IL1RAPL1: variants seen among roughly 807,000 people sequenced by gnomAD.
The protein encoded by IL1RAPL1 is interleukin-1 receptor accessory protein-like 1.
IL1RAPL1 carries 3 observed loss-of-function variants against 48.4 expected under a neutral mutation model. The observed-to-expected ratio is 0.06, with a 90% CI of 0.03 to 0.16. The LOEUF is 0.16. Ranked by LOEUF, IL1RAPL1 falls within the 10% of genes least tolerant of loss-of-function variation. The probability of loss-of-function intolerance (pLI) is 1.00; values close to 1 mark genes in which losing one functional copy is unlikely to be tolerated. For missense variants in IL1RAPL1, 349 were observed against 530.6 expected, an observed-to-expected ratio of 0.66 and a Z score of 3.36; for synonymous variants, 185 against 187.7, an observed-to-expected ratio of 0.99 and a Z score of 0.12.
In IL1RAPL1 at chrX:29,078,068, G is replaced by C. The variant is rs933035452; in HGVS notation, c.83-204870G>C. ...CGAGGCAGGCGGATCACCTGAGGTC[G>C]GGACCAGCCTAGCTAACATGGTGAA... On this transcript the variant is annotated intron_variant, in intron 2 of 10. Transcript: ENST00000378993. Among the ~76,000 whole-genome samples the C allele has an allele frequency of 5.4e-5, 6 of 111,914 alleles. No homozygotes were observed. In the South Asian group the frequency reaches 1.1e-3, roughly 21 times the overall value.
At chrX:28,829,648 C>T (rs1238713084) in intron 2 of IL1RAPL1, among the ~76,000 whole-genome samples, 2 of 107,142 alleles carry the variant, frequency 1.9e-5, no homozygotes, top group African/African-American at 6.9e-5. Flanking sequence ...CAACCTCTGC[C>T]TCCCAGGTTC....
Position 28,835,959 on chromosome X carries a change from T to G in IL1RAPL1, c.82+46534T>G, listed in dbSNP as rs191025522. The stretch of plus-strand genomic sequence containing the variant: ...CCATAATATTTATTAGAATATTATA[T>G]GTATTGAGATGATATTTCCCTATGT... On this transcript the variant is annotated intron_variant, in intron 2 of 10. Transcript: ENST00000378993. 9.0e-5 allele frequency among the ~76,000 whole-genome samples: 10 copies of G among 111,152 alleles called. No homozygotes were observed. In the East Asian group the frequency reaches 2.5e-3, roughly 28 times the overall value.
At chrX:29,841,178 T>G (rs182988368) in intron 6 of IL1RAPL1, among the ~76,000 whole-genome samples, 1 of 112,065 alleles carries the variant, frequency 8.9e-6, no homozygotes, top group African/African-American at 3.2e-5. Flanking sequence ...GGGTGACAGA[T>G]AACAATGCTT....
At chrX:28,645,203 C>T (rs1934593001) in intron 1 of IL1RAPL1, among the ~76,000 whole-genome samples, 1 of 107,315 alleles carries the variant, frequency 9.3e-6, no homozygotes, top group African/African-American at 3.4e-5. Flanking sequence ...CAAAATTAGT[C>T]GGGTATGGTG....
chrX:29,315,885 G>A (rs1484537057), intron 3 of IL1RAPL1, among the ~76,000 whole-genome samples: 1 of 112,171 alleles, frequency 8.9e-6, no homozygotes, highest in Non-Finnish European at 1.9e-5. Context: ...AAAGACAGAA[G>A]TAGATGTTGG....
chrX:28,770,948 T>C (rs899459765), intron 1 of IL1RAPL1, among the ~76,000 whole-genome samples: 1 of 112,243 alleles, frequency 8.9e-6, no homozygotes, highest in Non-Finnish European at 1.9e-5. Context: ...CCAGTGTTAG[T>C]ATTCCACACA....
In IL1RAPL1 at chrX:29,745,633, G is replaced by A. The variant is rs1428013923; in HGVS notation, c.778+77129G>A. ...GGCTCATTTTTGTATTTTTAGTAGA[G>A]ATGGGGTTTCACCATGTTAGCCAGG... On this transcript the variant is annotated intron_variant, in intron 6 of 10. Coordinates refer to ENST00000378993, the MANE Select transcript of IL1RAPL1 (RefSeq NM_014271.4). Among the ~76,000 whole-genome samples, 6 of 107,742 alleles carry A rather than the reference G, an allele frequency of 5.6e-5. No homozygotes were observed. In the Admixed American group the frequency reaches 6.1e-4, roughly 11 times the overall value. 93.6% of individuals were successfully genotyped at this position (107,742 alleles called of 115,157 possible). A position where few individuals can be genotyped will look rare whatever the true frequency, so the allele number is the denominator to read the frequency against.
intron 3 of IL1RAPL1, among the ~76,000 whole-genome samples, chrX:29,301,618 A>G (rs1932536513): frequency 8.9e-6 from 1 of 111,955 alleles, no homozygotes; most frequent in African/African-American, 3.2e-5. Context: ...TTCCGTTTGT[A>G]CTTTCAACAA....
chrX:29,079,304 G>T (rs761027708), intron 2 of IL1RAPL1, among the ~76,000 whole-genome samples: 1 of 111,573 alleles, frequency 9.0e-6, no homozygotes, highest in East Asian at 2.8e-4. Flanking sequence ...CTAAATGTGG[G>T]ACTGAATTTT....
intron 2 of IL1RAPL1, among the ~76,000 whole-genome samples, chrX:29,114,759 AG>A (rs1285691925): frequency 9.1e-6 from 1 of 110,445 alleles, no homozygotes; most frequent in Admixed American, 9.7e-5. Flanking sequence ...CCGCCCGAGT[AG>A]CTGGGATTAC....
intron 1 of IL1RAPL1, among the ~76,000 whole-genome samples, chrX:28,771,831 T>C (rs1321006692): frequency 9.4e-6 from 1 of 105,950 alleles, no homozygotes; most frequent in Non-Finnish European, 1.9e-5. Context: ...CTCGGGAGGC[T>C]GAGGCAGGAG....
chrX:29,713,199 C>A (rs188549643), intron 6 of IL1RAPL1, among the ~76,000 whole-genome samples: 44 of 111,342 alleles, frequency 4.0e-4, no homozygotes, highest in Middle Eastern at 4.7e-3. Flanking sequence ...AGATTTTAAT[C>A]TATAAAGGAA....
intron 6 of IL1RAPL1, among the ~76,000 whole-genome samples, chrX:29,799,310 T>C (rs1929822995): frequency 1.8e-5 from 2 of 112,314 alleles, no homozygotes; most frequent in African/African-American, 6.5e-5. Context: ...ATTTGATCCA[T>C]AGCTCTTTCT....
At chrX:29,103,138 G>A (rs1250406111) in intron 2 of IL1RAPL1, among the ~76,000 whole-genome samples, 2 of 111,687 alleles carry the variant, frequency 1.8e-5, no homozygotes, top group African/African-American at 6.5e-5. Flanking sequence ...GAATTTATAT[G>A]GAACCAAAAA....
intron 2 of IL1RAPL1, among the ~76,000 whole-genome samples, chrX:29,279,459 C>CA (rs1489763271): frequency 1.8e-5 from 2 of 110,847 alleles, no homozygotes; most frequent in Non-Finnish European, 3.8e-5. Flanking sequence ...AGATTTTATT[C>CA]AAATAATTTG....
At chrX:29,141,388 G>A (rs28704077) in intron 2 of IL1RAPL1, among the ~76,000 whole-genome samples, 31,752 of 110,420 alleles carry the variant, frequency 0.29, 4,373 homozygotes, top group African/African-American at 0.54. Flanking sequence ...GAATCAATTG[G>A]TGAGATGCTA....
chrX:28,853,748 A>G (rs1358875628), intron 2 of IL1RAPL1, among the ~76,000 whole-genome samples: 3 of 111,988 alleles, frequency 2.7e-5, no homozygotes, highest in Non-Finnish European at 5.6e-5. Flanking sequence ...ACAGATATAT[A>G]GATCATTAAG....
At chrX:28,851,505 C>T (rs5985924) in intron 2 of IL1RAPL1, among the ~76,000 whole-genome samples, 43,269 of 109,762 alleles carry the variant, frequency 0.39, 6,331 homozygotes, top group East Asian at 0.54. Flanking sequence ...TTGCTCCATA[C>T]ATCCACAATT....
chrX:29,745,431 GTTTTTTTTTTTTT>G (rs752527354), intron 6 of IL1RAPL1, among the ~76,000 whole-genome samples: 2 of 24,746 alleles, frequency 8.1e-5, no homozygotes, highest in East Asian at 1.5e-3. Flanking sequence ...AGTTTTTTGT[GTTTTTTTTTTTTT>G]TTTTTTTTTT....
Sources: gnomAD v4.1 joint callset for allele counts (sites outside exome capture counted in the v4.1 genomes callset) on GRCh38, gnomAD v4.1.1 for gene constraint, MANE v1.5 for transcripts, NCBI Gene and HGNC (gene_info 2026-07-23, HGNC 2026-07-21) for gene names.